KCNMB2: variants seen among roughly 807,000 people sequenced by gnomAD.
KCNMB2 encodes potassium calcium-activated channel subfamily M regulatory beta subunit 2, also known as calcium-activated potassium channel subunit beta-2.
In KCNMB2, 9 loss-of-function variants were observed where a neutral mutation model predicts 24.5. The ratio of observed to expected loss-of-function variants is 0.37; its 90% confidence interval spans 0.22 to 0.64. The LOEUF (loss-of-function observed/expected upper bound fraction) is 0.64. KCNMB2 is among the 30% of genes least tolerant of loss of function. The pLI is 0.63. For missense variants in KCNMB2, 226 were observed against 284.3 expected (o/e 0.79, Z 1.47); for synonymous variants, 109 against 104.4 (o/e 1.04, Z -0.27).
intron 1 of KCNMB2, among the ~76,000 whole-genome samples, chr3:178,754,393 T>C (rs1030425631): frequency 6.6e-6 from 1 of 152,028 alleles, no homozygotes; most frequent in African/African-American, 2.4e-5. Flanking sequence ...GTACCTGATC[T>C]CACTACTCCA....
At chr3:178,820,716 T>C (rs1714590474) in intron 2 of KCNMB2, 1 of 152,626 alleles carries the variant, frequency 6.6e-6, no homozygotes, top group East Asian at 1.9e-4. Flanking sequence ...GGTTGACTAA[T>C]GCTTGGCGTA....
At chr3:178,737,761 T>C (rs1296404914) in intron 1 of KCNMB2, among the ~76,000 whole-genome samples, 1 of 152,160 alleles carries the variant, frequency 6.6e-6, no homozygotes, top group Non-Finnish European at 1.5e-5. Flanking sequence ...ACACATAAAA[T>C]GTAAGTTGAG....
chr3:178,712,638 C>A (rs1350229423), intron 1 of KCNMB2, among the ~76,000 whole-genome samples: 2 of 152,164 alleles, frequency 1.3e-5, no homozygotes, highest in Non-Finnish European at 2.9e-5. Flanking sequence ...GCATTTGCTG[C>A]TTTTATTATC....
At chr3:178,614,176 G>T (rs1051611086) in intron 1 of KCNMB2, among the ~76,000 whole-genome samples, 13 of 136,044 alleles carry the variant, frequency 9.6e-5, no homozygotes, top group African/African-American at 3.0e-4. Context: ...CTGTCTCTTT[G>T]TTAAATTTAT....
At chr3:178,642,285 T>C (rs186119854) in intron 1 of KCNMB2, among the ~76,000 whole-genome samples, 52 of 152,316 alleles carry the variant, frequency 3.4e-4, no homozygotes, top group African/African-American at 1.1e-3. Flanking sequence ...AAAGTGTTTA[T>C]TTATCCATAA....
intron 1 of KCNMB2, among the ~76,000 whole-genome samples, chr3:178,742,426 G>A (rs752267094): frequency 6.6e-5 from 10 of 152,146 alleles, no homozygotes; most frequent in Non-Finnish European, 1.2e-4. Flanking sequence ...CATTGGATTT[G>A]CCTCAAATTT....
At chr3:178,629,105 C>A (rs1014275866) in intron 1 of KCNMB2, among the ~76,000 whole-genome samples, 1 of 152,114 alleles carries the variant, frequency 6.6e-6, no homozygotes, top group African/African-American at 2.4e-5. Context: ...TACATTATAA[C>A]CCCCAACTCC....
chr3:178,770,292 T>C (rs1046803449), intron 1 of KCNMB2, among the ~76,000 whole-genome samples: 1 of 152,206 alleles, frequency 6.6e-6, no homozygotes, highest in Non-Finnish European at 1.5e-5. Flanking sequence ...GATTGGAAGA[T>C]AACATCTAGG....
intron 1 of KCNMB2, among the ~76,000 whole-genome samples, chr3:178,736,801 G>T (rs1227357681): frequency 5.9e-5 from 9 of 152,206 alleles, no homozygotes; most frequent in African/African-American, 2.2e-4. Flanking sequence ...ATTAATTTAA[G>T]TACTGGTGCC....
chr3:178,562,033 A>G (rs1404047642), intron 1 of KCNMB2, among the ~76,000 whole-genome samples: 1 of 152,258 alleles, frequency 6.6e-6, no homozygotes, highest in Non-Finnish European at 1.5e-5. Context: ...ACAATTAGTG[A>G]CAGCTCGTGA....
At chr3:178,718,061 C>T (rs978169435) in intron 1 of KCNMB2, among the ~76,000 whole-genome samples, 22 of 152,278 alleles carry the variant, frequency 1.4e-4, no homozygotes, top group African/African-American at 4.8e-4. Context: ...ATAGAGTTTA[C>T]TTTCATGCAT....
chr3:178,568,397 A>G (rs1384698056), intron 1 of KCNMB2, among the ~76,000 whole-genome samples: 1 of 152,148 alleles, frequency 6.6e-6, no homozygotes, highest in Non-Finnish European at 1.5e-5. Flanking sequence ...TTCTTTCATG[A>G]TACTTTCCTG....
chr3:178,615,599 C>T (rs764829779), intron 1 of KCNMB2, among the ~76,000 whole-genome samples: 6 of 152,306 alleles, frequency 3.9e-5, no homozygotes, highest in African/African-American at 1.4e-4. Context: ...GCCAATGTTC[C>T]CTTTAGGCTC....
intron 1 of KCNMB2, among the ~76,000 whole-genome samples, chr3:178,800,407 A>C (rs534865608): frequency 1.3e-5 from 2 of 152,282 alleles, no homozygotes; most frequent in South Asian, 4.1e-4. Context: ...TACAAATGGC[A>C]AACAAGTATA....
chr3:178,577,798 T>A (rs539394335), intron 1 of KCNMB2, among the ~76,000 whole-genome samples: 1 of 152,030 alleles, frequency 6.6e-6, no homozygotes, highest in South Asian at 2.1e-4. Flanking sequence ...ATCAACTTGA[T>A]GAAATAAAGT....
In KCNMB2 at chr3:178,806,347, A is replaced by G. The variant is rs766022807; in HGVS notation, c.-67-996A>G. 8.1e-4 allele frequency among the ~76,000 whole-genome samples: 123 copies of G among 152,308 alleles called. No individual in the cohort carries two copies. The Middle Eastern group carries it at 0.01, about 13-fold the overall frequency. On this transcript the variant is annotated intron_variant, in intron 1 of 4. Transcript: ENST00000452583. ...GATATATGCATGTTCATTTCATGAA[A>G]TACGTATGTGCATAAATAATACATT...
At chr3:178,644,068 T>C (rs1719821660) in intron 1 of KCNMB2, among the ~76,000 whole-genome samples, 1 of 152,236 alleles carries the variant, frequency 6.6e-6, no homozygotes, top group Non-Finnish European at 1.5e-5. Flanking sequence ...TGTCACTAAC[T>C]GTACCTGGTT....
intron 1 of KCNMB2, among the ~76,000 whole-genome samples, chr3:178,543,678 A>T (rs562288935): frequency 4.6e-5 from 7 of 152,206 alleles, no homozygotes; most frequent in African/African-American, 1.4e-4. Flanking sequence ...AACTTCTCAA[A>T]TTTCCGATTC....
At chr3:178,755,992 T>G (rs888315969) in intron 1 of KCNMB2, among the ~76,000 whole-genome samples, 1 of 152,156 alleles carries the variant, frequency 6.6e-6, no homozygotes, top group Non-Finnish European at 1.5e-5. Flanking sequence ...GAGGAGGATA[T>G]AAATTATTAC....
Sources: allele counts gnomAD v4.1 joint callset (sites outside exome capture counted in the v4.1 genomes callset), GRCh38; gene constraint gnomAD v4.1.1; transcripts MANE v1.5; gene names NCBI Gene and HGNC (gene_info 2026-07-23, HGNC 2026-07-21).